CDH20: variants seen among roughly 807,000 people sequenced by gnomAD.
CDH20 encodes the protein cadherin-20.
Under a neutral mutation model 74.2 loss-of-function variants are expected in CDH20, and 29 were observed. The ratio of observed to expected loss-of-function variants is 0.39; its 90% CI spans 0.29 to 0.53. CDH20 has a LOEUF of 0.53. Among genes scored for constraint, CDH20 ranks in the 20% least tolerant of loss-of-function variants. The pLI is 0.69. For synonymous variants in CDH20, 469 were observed against 405.4 expected (o/e 1.16, Z -1.88); for missense variants, 988 against 1,048.3 (o/e 0.94, Z 0.79).
chr18:61,474,137 C>T (rs1910284844), intron 1 of CDH20, among the ~76,000 whole-genome samples: 1 of 152,202 alleles, frequency 6.6e-6, no homozygotes, highest in Non-Finnish European at 1.5e-5. Context: ...CCTGCAGTCT[C>T]TTGTCCCTAT....
intron 1 of CDH20, among the ~76,000 whole-genome samples, chr18:61,413,065 G>A (rs1338632134): frequency 6.6e-6 from 1 of 152,188 alleles, no homozygotes; most frequent in Non-Finnish European, 1.5e-5. Context: ...CTAAAGCAGA[G>A]TACTTATTTT....
intron 1 of CDH20, among the ~76,000 whole-genome samples, chr18:61,410,947 T>C (rs1912474190): frequency 6.6e-6 from 1 of 152,184 alleles, no homozygotes. Flanking sequence ...ACGCCTGTAA[T>C]CCCAGCACTT....
intron 1 of CDH20, among the ~76,000 whole-genome samples, chr18:61,419,345 G>A (rs997112977): frequency 6.6e-6 from 1 of 152,142 alleles, no homozygotes; most frequent in Non-Finnish European, 1.5e-5. Context: ...AGGATTACAG[G>A]TGGATATTTT....
At chr18:61,352,686 A>G (rs1910347820) in intron 1 of CDH20, among the ~76,000 whole-genome samples, 1 of 152,178 alleles carries the variant, frequency 6.6e-6, no homozygotes, top group African/African-American at 2.4e-5. Flanking sequence ...ATAAGACCAC[A>G]ATATTCTTAC....
chr18:61,342,445 C>T (rs574980111), intron 1 of CDH20, among the ~76,000 whole-genome samples: 5 of 152,308 alleles, frequency 3.3e-5, no homozygotes, highest in Admixed American at 3.3e-4. Flanking sequence ...GGCTCCCACG[C>T]CTGTGGTCTT....
chr18:61,347,355 T>C (rs1266862766), intron 1 of CDH20, among the ~76,000 whole-genome samples: 11 of 137,124 alleles, frequency 8.0e-5, no homozygotes, highest in African/African-American at 2.6e-4. Context: ...CACACACATA[T>C]ATATATACAC....
intron 1 of CDH20, among the ~76,000 whole-genome samples, chr18:61,348,402 G>A (rs1910201379): frequency 1.3e-5 from 2 of 152,136 alleles, no homozygotes; most frequent in South Asian, 2.1e-4. Context: ...TGTGCACCAT[G>A]TTTTATGGTA....
chr18:61,540,259 C>T (rs1040651197), intron 9 of CDH20, among the ~76,000 whole-genome samples: 9 of 152,158 alleles, frequency 5.9e-5, no homozygotes, highest in African/African-American at 2.2e-4. Flanking sequence ...ATGGTTTTAA[C>T]ATGAAAGCTG....
chr18:61,382,838 A>C (rs1173520288), intron 1 of CDH20, among the ~76,000 whole-genome samples: 1 of 152,204 alleles, frequency 6.6e-6, no homozygotes, highest in Non-Finnish European at 1.5e-5. Context: ...GAACAGTAAT[A>C]AGGCAAACAG....
intron 6 of CDH20, among the ~76,000 whole-genome samples, chr18:61,512,603 T>A (rs1305894033): frequency 6.6e-6 from 1 of 152,166 alleles, no homozygotes; most frequent in South Asian, 2.1e-4. Context: ...GCTGTTTCCA[T>A]GCCATTCTCC....
intron 1 of CDH20, among the ~76,000 whole-genome samples, chr18:61,415,773 T>C (rs1912661188): frequency 6.6e-6 from 1 of 152,170 alleles, no homozygotes; most frequent in South Asian, 2.1e-4. Context: ...AATTCTTCAC[T>C]CTTTTTAATG....
chr18:61,537,084 A>G (rs1051572333), intron 8 of CDH20, among the ~76,000 whole-genome samples: 1 of 152,170 alleles, frequency 6.6e-6, no homozygotes, highest in Admixed American at 6.5e-5. Flanking sequence ...TGATTAACGT[A>G]ATAAACTTAT....
At chr18:61,505,858 C>G (rs1016298390) in intron 5 of CDH20, among the ~76,000 whole-genome samples, 2 of 152,192 alleles carry the variant, frequency 1.3e-5, no homozygotes, top group Admixed American at 6.5e-5. Context: ...TGCATTCTCT[C>G]TTCATTAAAT....
At chr18:61,342,000 A>G (rs1166808157) in intron 1 of CDH20, among the ~76,000 whole-genome samples, 3 of 152,208 alleles carry the variant, frequency 2.0e-5, no homozygotes, top group African/African-American at 7.2e-5. Context: ...TCATTAAAAT[A>G]TTAATCCATT....
chr18:61,430,731 G>A (rs1913224893), intron 1 of CDH20, among the ~76,000 whole-genome samples: 1 of 152,078 alleles, frequency 6.6e-6, no homozygotes, highest in South Asian at 2.1e-4. Flanking sequence ...AATTGTTCCA[G>A]CTTTGGCCCT....
intron 1 of CDH20, among the ~76,000 whole-genome samples, chr18:61,437,839 C>T (rs1908887623): frequency 6.6e-6 from 1 of 151,846 alleles, no homozygotes; most frequent in South Asian, 2.1e-4. Flanking sequence ...ATTTCTTCTA[C>T]TCTTTCCCCC....
Position 61,545,278 on chromosome 18 carries a change from A to AT in CDH20, c.1648+151dup, listed in dbSNP as rs5825448. The AT allele has an allele frequency of 1.4e-3, 686 of 482,116 alleles. 2 individuals carry two copies. The highest frequency in any genetic ancestry group is 5.3e-3 in the African/African-American group (241 of 45,650). 29.9% of individuals were successfully genotyped at this position (482,116 alleles called of 1,614,324 possible). ...AGGGAGGATGTTAATAATTCAGTGTATTTTTTTTTTTTTTTTTGAGATGGG... is the reference window on the plus strand; with the variant it reads ...AGGGAGGATGTTAATAATTCAGTGTATTTTTTTTTTTTTTTTTTGAGATGGG... On this transcript the variant is annotated intron_variant, in intron 10 of 11. Transcript: ENST00000262717.
At chr18:61,523,860 A>C (rs1912296578) in intron 6 of CDH20, among the ~76,000 whole-genome samples, 1 of 152,124 alleles carries the variant, frequency 6.6e-6, no homozygotes, top group South Asian at 2.1e-4. Flanking sequence ...GGAAGTGAAC[A>C]ATGAGAACAC....
chr18:61,404,549 G>A (rs897252382), intron 1 of CDH20, among the ~76,000 whole-genome samples: 12 of 152,058 alleles, frequency 7.9e-5, no homozygotes, highest in East Asian at 3.9e-4. Flanking sequence ...TATGAGGCAC[G>A]ATATTGAAAA....
Sources: allele counts gnomAD v4.1 joint callset (sites outside exome capture counted in the v4.1 genomes callset), GRCh38; gene constraint gnomAD v4.1.1; transcripts MANE v1.5; gene names NCBI Gene and HGNC (gene_info 2026-07-23, HGNC 2026-07-21).